Variants in PIAS1 observed in about 807,000 individuals in gnomAD.
PIAS1 encodes the protein protein inhibitor of activated STAT 1.
PIAS1 carries 6 observed loss-of-function variants against 71.3 expected under a neutral mutation model. The ratio of observed to expected loss-of-function variants is 0.08; its 90% CI spans 0.05 to 0.17. The LOEUF (loss-of-function observed/expected upper bound fraction) is 0.17. Among genes scored for constraint, PIAS1 ranks in the 10% least tolerant of loss-of-function variants. The pLI, the probability that PIAS1 is intolerant of heterozygous loss-of-function variation, is 1.00. For missense variants in PIAS1, 555 were observed against 793.6 expected (o/e 0.70, Z 3.61); for synonymous variants, 303 against 292.9 (o/e 1.03, Z -0.35).
At chr15:68,181,178 T>C (rs2093051498) in intron 11 of PIAS1, 34 bp from the exon 12 acceptor site, 1 of 1,602,674 alleles carries the variant, frequency 6.2e-7, no homozygotes. Context: ...TTTAACTGGC[T>C]AATGAAAACT....
In PIAS1 at chr15:68,186,955, T is replaced by C. The variant is rs1296141673; in HGVS notation, c.1663-587T>C. Among the ~76,000 whole-genome samples, 1 of 152,240 alleles carries C rather than the reference T, an allele frequency of 6.6e-6. No homozygotes were observed. Among genetic ancestry groups the C allele is most frequent in the African/African-American group, 2.4e-5 (1 of 41,456 alleles). On this transcript the variant is annotated intron_variant, in intron 13 of 13. Transcript: ENST00000249636. This position sits in a 1 kb window ranked among gnomAD's most constrained non-coding sequence, Gnocchi z 4.4. Reference sequence around the variant, plus strand: ...ATGCATTTCTCAAAACACATCCGTGTCATTAAGCGACGCATGACTGTATTT... The same window carrying C: ...ATGCATTTCTCAAAACACATCCGTGCCATTAAGCGACGCATGACTGTATTT...
At chr15:68,071,203 C>A in intron 1 of PIAS1, among the ~76,000 whole-genome samples, 1 of 109,310 alleles carries the variant, frequency 9.1e-6, no homozygotes, top group Non-Finnish European at 1.8e-5. Flanking sequence ...TCTTTTCACC[C>A]CCGCCCCCCC....
rs187759671 is a variant in PIAS1, at chr15:68,138,534, C to T, written c.470-3412C>T. Among the ~76,000 whole-genome samples, 22 of 152,144 alleles carry T rather than the reference C, an allele frequency of 1.4e-4. No individual in the cohort carries two copies. The East Asian group carries it at 3.3e-3, about 23-fold the overall frequency. On this transcript the variant is annotated intron_variant, in intron 2 of 13. Transcript: ENST00000249636. ...TTGTTGCCCAGGCTGGAGTGCAGTGCGGCGATCTCGGCTCACTGCAACCTC... is the reference window on the plus strand; with the variant it reads ...TTGTTGCCCAGGCTGGAGTGCAGTGTGGCGATCTCGGCTCACTGCAACCTC...
chr15:68,124,457 C>G lies in PIAS1; in HGVS notation c.470-17489C>G, dbSNP rs1014163711. 2.1e-5 allele frequency among the ~76,000 whole-genome samples: 3 copies of G among 145,708 alleles called. 1 individual carries two copies. The highest frequency in any genetic ancestry group is 7.6e-5 in the African/African-American group (3 of 39,364). On this transcript the variant is annotated intron_variant, in intron 2 of 13. Transcript: ENST00000249636. ...AAATGAACAGCCAGGTGTGGTGGTT[C>G]ACTCCTGTAATCCCAGCACTTTGGG...
rs1280829296 is a variant in PIAS1, at chr15:68,134,403, G to C, written c.470-7543G>C. Reference sequence around the variant, plus strand: ...TCCCTCCCAGACAGGGCGGCTGGCCGGGCAGAGGGGCTCCTCACCACCCAG... The same window carrying C: ...TCCCTCCCAGACAGGGCGGCTGGCCCGGCAGAGGGGCTCCTCACCACCCAG... On this transcript the variant is annotated intron_variant, in intron 2 of 13. Transcript: ENST00000249636. Among the ~76,000 whole-genome samples the C allele has an allele frequency of 3.2e-4, 17 of 53,058 alleles. 7 individuals carry two copies. Among genetic ancestry groups the C allele is most frequent in the Non-Finnish European group, 1.5e-4 (2 of 13,480 alleles). 34.8% of individuals were successfully genotyped at this position (53,058 alleles called of 152,430 possible). A position where few individuals can be genotyped will look rare whatever the true frequency, so the allele number is the denominator to read the frequency against.
In PIAS1 at chr15:68,171,008, T is replaced by C. The variant is rs2092988012; in HGVS notation, c.1009-2724T>C. ...TTTTGACTCTTGTAATAACAACACTTAGCTTAAAACACAAGCACATTGTAC... is the reference window on the plus strand; with the variant it reads ...TTTTGACTCTTGTAATAACAACACTCAGCTTAAAACACAAGCACATTGTAC... On this transcript the variant is annotated intron_variant, in intron 8 of 13. Coordinates refer to ENST00000249636, the MANE Select transcript of PIAS1 (RefSeq NM_016166.3). This position sits in a 1 kb window ranked among gnomAD's most constrained non-coding sequence, Gnocchi z 4.4. Among the ~76,000 whole-genome samples, 1 of 152,140 alleles carries C rather than the reference T, an allele frequency of 6.6e-6. No homozygotes were observed. Among genetic ancestry groups the C allele is most frequent in the Non-Finnish European group, 1.5e-5 (1 of 68,024 alleles).
intron 2 of PIAS1, among the ~76,000 whole-genome samples, chr15:68,102,597 T>C (rs1338341442): frequency 2.0e-5 from 3 of 152,226 alleles, no homozygotes; most frequent in Admixed American, 1.3e-4. Flanking sequence ...GCCATTTGTT[T>C]AGATCTTTTT....
At chr15:68,125,598 A>C (rs1436009835) in intron 2 of PIAS1, among the ~76,000 whole-genome samples, 1 of 152,214 alleles carries the variant, frequency 6.6e-6, no homozygotes, top group African/African-American at 2.4e-5. Flanking sequence ...GTAGACTTCA[A>C]CATAAGAATA....
rs113300929 is a variant in PIAS1, at chr15:68,141,874, T to TG, written c.470-72_470-71insG. The TG allele has an allele frequency of 0.38, 223,195 of 585,088 alleles. 19,882 individuals are homozygous for TG. The highest frequency in any genetic ancestry group is 0.41 in the Non-Finnish European group (154,322 of 376,328). The allele number at this position is 585,088 out of a possible 1,614,324, so 36.2% of individuals were successfully genotyped here. On this transcript the variant is annotated intron_variant, in intron 2 of 13. Coordinates refer to ENST00000249636, the MANE Select transcript of PIAS1 (RefSeq NM_016166.3). The stretch of plus-strand genomic sequence containing the variant: ...TACCAGTTAATTAAAGACATGTGTG[T>TG]TTTTTTTTTTTGCTTTTGTCTTTAC...
chr15:68,146,353 C>T (rs555407516), intron 5 of PIAS1, among the ~76,000 whole-genome samples: 107 of 152,206 alleles, frequency 7.0e-4, no homozygotes, highest in African/African-American at 2.3e-3. Flanking sequence ...GAATTTTCAT[C>T]ACTAATAGTT....
At chr15:68,079,177 G>A (rs773553265) in intron 1 of PIAS1, among the ~76,000 whole-genome samples, 20 of 151,846 alleles carry the variant, frequency 1.3e-4, no homozygotes, top group Non-Finnish European at 2.9e-4. Context: ...CATTTATTCA[G>A]CATATTTTAG....
chr15:68,096,618 T>C (rs543444698), intron 2 of PIAS1, among the ~76,000 whole-genome samples: 1 of 152,242 alleles, frequency 6.6e-6, no homozygotes, highest in South Asian at 2.1e-4. Flanking sequence ...GTTTTCAGTG[T>C]ACATGTCTTT....
chr15:68,183,883 TGTCA>T (rs1431635195), intron 13 of PIAS1: 2 of 394,664 alleles, frequency 5.1e-6, no homozygotes, highest in East Asian at 4.7e-5. Flanking sequence ...AAACCTATGC[TGTCA>T]GTCATGTAAA....
intron 2 of PIAS1, among the ~76,000 whole-genome samples, chr15:68,123,785 C>T (rs369353889): frequency 6.6e-6 from 1 of 152,088 alleles, no homozygotes; most frequent in Non-Finnish European, 1.5e-5. Flanking sequence ...TAAAAGGAAA[C>T]TTGTATAATT....
At chr15:68,065,336 C>G (rs1297317857) in intron 1 of PIAS1, among the ~76,000 whole-genome samples, 1 of 151,966 alleles carries the variant, frequency 6.6e-6, no homozygotes, top group African/African-American at 2.4e-5. Context: ...ACCTGTAATT[C>G]CAGTGCTTTG....
At chr15:68,070,783 C>G (rs1466499747) in intron 1 of PIAS1, among the ~76,000 whole-genome samples, 4 of 151,844 alleles carry the variant, frequency 2.6e-5, no homozygotes. Context: ...TTAATTTCAC[C>G]TACTTGTAAT....
intron 1 of PIAS1, among the ~76,000 whole-genome samples, chr15:68,057,834 C>T (rs1334338199): frequency 2.0e-5 from 3 of 152,148 alleles, no homozygotes; most frequent in African/African-American, 4.8e-5. Context: ...TAAAATACTA[C>T]GTATAGTTTC....
intron 2 of PIAS1, among the ~76,000 whole-genome samples, chr15:68,110,639 G>A (rs2092515930): frequency 6.6e-6 from 1 of 151,920 alleles, no homozygotes; most frequent in South Asian, 2.1e-4. Context: ...GTGCGTGCCT[G>A]TAGTCCCACC....
intron 7 of PIAS1, among the ~76,000 whole-genome samples, chr15:68,162,981 T>G (rs1201790975): frequency 1.3e-5 from 2 of 152,198 alleles, no homozygotes; most frequent in Admixed American, 1.3e-4. Flanking sequence ...CCGCCAAGAT[T>G]GAGGGCACAT....
Sources: allele counts gnomAD v4.1 joint callset (sites outside exome capture counted in the v4.1 genomes callset), GRCh38; gene constraint gnomAD v4.1.1; non-coding constraint Gnocchi (gnomAD v3.1); transcripts MANE v1.5; gene names NCBI Gene and HGNC (gene_info 2026-07-23, HGNC 2026-07-21).